The following TRPC5 variants were observed in gnomAD, a reference collection of about 807,000 sequenced individuals.
The protein encoded by TRPC5 is short transient receptor potential channel 5.
Under a neutral mutation model 56.5 loss-of-function variants are expected in TRPC5, and 9 were observed. The observed-to-expected ratio is 0.16, with a 90% CI of 0.10 to 0.28. The LOEUF (loss-of-function observed/expected upper bound fraction) is 0.28, where lower values mean the gene tolerates loss of function less well. Among genes scored for constraint, TRPC5 ranks in the 10% least tolerant of loss-of-function variants. TRPC5 has a pLI of 1.00. For synonymous variants in TRPC5, 282 were observed against 278.5 expected, an observed-to-expected ratio of 1.01 and a Z score of -0.13; for missense variants, 469 against 748.9, an observed-to-expected ratio of 0.63 and a Z score of 4.36.
In TRPC5 at chrX:111,842,240, C is replaced by CGGGA. The variant is rs1922778916; in HGVS notation, c.1700+4873_1700+4874insTCCC. Among the ~76,000 whole-genome samples the CGGGA allele has an allele frequency of 2.9e-5, 3 of 101,936 alleles. No individual in the cohort carries two copies. The South Asian group carries it at 1.3e-3, about 46-fold the overall frequency. 88.5% of individuals were successfully genotyped at this position (101,936 alleles called of 115,157 possible). A position where few individuals can be genotyped will look rare whatever the true frequency, so the allele number is the denominator to read the frequency against. ...GCAGTCTCTGGCTCCCGGGTTCAAG[C>CGGGA]GATTCTCCTGCCCCAGCCTCCCAAG... On this transcript the variant is annotated intron_variant, in intron 6 of 10. Transcript: ENST00000262839.
chrX:111,939,738 G>T (rs995427903), intron 2 of TRPC5, among the ~76,000 whole-genome samples: 1 of 111,666 alleles, frequency 9.0e-6, no homozygotes, highest in African/African-American at 3.3e-5. Flanking sequence ...GGCATCAGTT[G>T]TAGTTTCTCA....
intron 3 of TRPC5, among the ~76,000 whole-genome samples, chrX:111,856,997 G>C (rs1032529676): frequency 5.4e-5 from 6 of 111,091 alleles, no homozygotes; most frequent in Non-Finnish European, 9.4e-5. Context: ...TTCCTCTAAA[G>C]AATGGAGATA....
chrX:111,880,570 C>T (rs776445495), intron 3 of TRPC5, among the ~76,000 whole-genome samples: 1 of 112,302 alleles, frequency 8.9e-6, no homozygotes, highest in East Asian at 2.8e-4. Context: ...TCACTGTGTA[C>T]TTGAAAAGGT....
intron 3 of TRPC5, among the ~76,000 whole-genome samples, chrX:111,887,587 G>A (rs1924571489): frequency 8.9e-6 from 1 of 111,889 alleles, no homozygotes; most frequent in South Asian, 3.8e-4. Flanking sequence ...AATAGCTCTT[G>A]GGTAGATCAT....
At chrX:111,830,229 G>A (rs1233748852) in intron 7 of TRPC5, among the ~76,000 whole-genome samples, 1 of 112,157 alleles carries the variant, frequency 8.9e-6, no homozygotes, top group Non-Finnish European at 1.9e-5. Context: ...ATTTGGAATG[G>A]GTGTATTTAC....
chrX:111,839,953 G>A (rs1202269007), intron 6 of TRPC5, among the ~76,000 whole-genome samples: 2 of 111,374 alleles, frequency 1.8e-5, no homozygotes, highest in Non-Finnish European at 3.8e-5. Flanking sequence ...GGTGGATCAC[G>A]AGGTCAGGAG....
chrX:111,814,563 C>T (rs1278329335), intron 7 of TRPC5, among the ~76,000 whole-genome samples: 3 of 110,688 alleles, frequency 2.7e-5, no homozygotes, highest in African/African-American at 6.6e-5. Flanking sequence ...CCCTTGCACC[C>T]TAGTACCGAT....
At chrX:111,781,858 T>G in intron 8 of TRPC5, 77 bp downstream of exon 8, 10 of 954,854 alleles carry the variant, frequency 1.0e-5, no homozygotes, top group Admixed American at 2.9e-5. Flanking sequence ...ACCGTGCCAC[T>G]GCACTCCAGC....
At chrX:111,795,343 T>A (rs747289467) in intron 7 of TRPC5, among the ~76,000 whole-genome samples, 47 of 110,333 alleles carry the variant, frequency 4.3e-4, no homozygotes, top group South Asian at 1.5e-3. Context: ...ACCTTTTTTT[T>A]AAAAAAAAAT....
chrX:111,781,936 G>A lies in TRPC5; in HGVS notation c.2099C>T (p.Thr700Ile). The A allele has an allele frequency of 8.4e-7, 1 of 1,183,824 alleles. No individual in the cohort carries two copies. The highest frequency in any genetic ancestry group is 1.1e-6 in the Non-Finnish European group (1 of 882,815). ...RRRRRNLRSF[T>I]ERNADSLIQN... Reference sequence around the variant, plus strand: ...AGTTTTCAAAATTAAAAGTCTTACTGTGAAACTTCTCAAGTTGCGCCTTCT... The same window carrying A: ...AGTTTTCAAAATTAAAAGTCTTACTATGAAACTTCTCAAGTTGCGCCTTCT... The change falls in exon 8 of 11, where the codon ACA (threonine) becomes ATA (isoleucine). Residue 700 changes from threonine to isoleucine, a missense_variant and splice_region_variant. Physicochemically the swap from Thr to Ile is moderately conservative, Grantham distance 89 (BLOSUM62 -1). This residue lies in a region of TRPC5 where 194 missense variants were observed against 221.8 expected (regional missense o/e 0.87). Transcript: ENST00000262839.
intron 2 of TRPC5, among the ~76,000 whole-genome samples, chrX:111,933,024 A>G (rs1175370040): frequency 4.5e-5 from 5 of 111,644 alleles, no homozygotes; most frequent in African/African-American, 1.6e-4. Context: ...AAGACTATTT[A>G]TTTTCTGAAA....
intron 1 of TRPC5, among the ~76,000 whole-genome samples, chrX:111,958,796 A>G (rs1927300899): frequency 8.9e-6 from 1 of 112,574 alleles, no homozygotes; most frequent in East Asian, 2.8e-4. Flanking sequence ...AAGACAGAGA[A>G]TCTTGAAATC....
rs1327434284 is a variant in TRPC5 at position 111,772,746 on chromosome X, G to A, written c.*3567C>T. ...CATGCCCAGCCTCAATTTTTCTAAGGTACTTTTAAACAAAGGATTTGCTGC... is the reference window on the plus strand; with the variant it reads ...CATGCCCAGCCTCAATTTTTCTAAGATACTTTTAAACAAAGGATTTGCTGC... On this transcript the variant is annotated 3_prime_UTR_variant, in exon 11 of 11. Coordinates refer to ENST00000262839, the MANE Select transcript of TRPC5 (RefSeq NM_012471.3). Among the ~76,000 whole-genome samples, 2 of 111,350 alleles carry A rather than the reference G, an allele frequency of 1.8e-5. No homozygotes were observed. The highest frequency in any genetic ancestry group is 6.5e-5 in the African/African-American group (2 of 30,653).
At chrX:111,815,960 GAGA>G (rs1444614095) in intron 7 of TRPC5, among the ~76,000 whole-genome samples, 2 of 111,364 alleles carry the variant, frequency 1.8e-5, no homozygotes, top group Non-Finnish European at 1.9e-5. Flanking sequence ...AAGAAGATAG[GAGA>G]AGGAGGAACA....
intron 2 of TRPC5, among the ~76,000 whole-genome samples, chrX:111,941,435 T>C (rs1208218389): frequency 8.9e-6 from 1 of 112,292 alleles, no homozygotes; most frequent in Non-Finnish European, 1.9e-5. Context: ...ATCAACAGTG[T>C]CTGCAAGTGC....
intron 1 of TRPC5, among the ~76,000 whole-genome samples, chrX:112,050,036 C>A (rs148700921): frequency 9.0e-6 from 1 of 111,486 alleles, no homozygotes; most frequent in African/African-American, 3.3e-5. Context: ...ATTAGCTGGG[C>A]GTGGTGGTGC....
intron 1 of TRPC5, among the ~76,000 whole-genome samples, chrX:112,029,630 T>C (rs1488638412): frequency 8.9e-6 from 1 of 111,818 alleles, no homozygotes; most frequent in Non-Finnish European, 1.9e-5. Context: ...GAGGGTTCCC[T>C]TTTCTCCACA....
chrX:112,049,954 T>C (rs185683181), intron 1 of TRPC5, among the ~76,000 whole-genome samples: 75 of 112,135 alleles, frequency 6.7e-4, no homozygotes, highest in Admixed American at 6.1e-3. Flanking sequence ...GGCAGGCGGA[T>C]CACCTGAGGT....
intron 7 of TRPC5, among the ~76,000 whole-genome samples, chrX:111,815,963 A>G (rs188852786): frequency 9.0e-6 from 1 of 111,439 alleles, no homozygotes; most frequent in Admixed American, 9.6e-5. Flanking sequence ...AAGATAGGAG[A>G]AGGAGGAACA....
Sources: allele counts gnomAD v4.1 joint callset (sites outside exome capture counted in the v4.1 genomes callset), GRCh38; gene constraint gnomAD v4.1.1; regional missense constraint gnomAD v4.1.1; transcripts MANE v1.5; gene names NCBI Gene and HGNC (gene_info 2026-07-23, HGNC 2026-07-21).